ADGRG2: variants seen among roughly 807,000 people sequenced by gnomAD.
The protein encoded by ADGRG2 is adhesion G protein-coupled receptor G2.
Under a neutral mutation model 74.1 loss-of-function variants are expected in ADGRG2, and 26 were observed. That is an observed-to-expected ratio of 0.35 (90% CI 0.26 to 0.49). The LOEUF (loss-of-function observed/expected upper bound fraction) is 0.49. Ranked by LOEUF, ADGRG2 falls within the 20% of genes least tolerant of loss-of-function variation. The pLI is 0.99. For synonymous variants in ADGRG2, 296 were observed against 295.2 expected (o/e 1.00, Z -0.03); for missense variants, 619 against 763.1 (o/e 0.81, Z 2.22).
At chrX:19,005,657 G>A (rs1216128060) in intron 22 of ADGRG2, among the ~76,000 whole-genome samples, 6 of 108,255 alleles carry the variant, frequency 5.5e-5, no homozygotes, top group Non-Finnish European at 9.6e-5. Flanking sequence ...AGGATCAAGC[G>A]ATTATCCTGC....
intron 3 of ADGRG2, among the ~76,000 whole-genome samples, chrX:19,046,099 A>C (rs901436025): frequency 8.9e-6 from 1 of 112,102 alleles, no homozygotes; most frequent in Non-Finnish European, 1.9e-5. Context: ...CCTGGGCTCA[A>C]GTGATCCTCC....
In ADGRG2 at chrX:19,009,614, A is replaced by G. The variant is rs1302007984; in HGVS notation, c.1422+12T>C. On this transcript the variant is annotated intron_variant, in intron 18 of 28. Transcript: ENST00000379869. Reference sequence around the variant, plus strand: ...AAGAGAATGTTTTTTTCTGCCATCAATTATGATGTACCTGAAGATTTGCAG... The same window carrying G: ...AAGAGAATGTTTTTTTCTGCCATCAGTTATGATGTACCTGAAGATTTGCAG... The G allele has an allele frequency of 6.7e-6, 8 of 1,195,999 alleles. No homozygotes were observed. Among genetic ancestry groups the G allele is most frequent in the African/African-American group, 5.3e-5 (3 of 56,920 alleles).
At chrX:19,067,460 T>C (rs2061586817) in intron 3 of ADGRG2, among the ~76,000 whole-genome samples, 1 of 111,906 alleles carries the variant, frequency 8.9e-6, no homozygotes, top group Non-Finnish European at 1.9e-5. Flanking sequence ...GAGAGTGAAG[T>C]TGGACCGTTA....
At chrX:19,096,345 G>A (rs2062095597) in intron 1 of ADGRG2, among the ~76,000 whole-genome samples, 1 of 107,627 alleles carries the variant, frequency 9.3e-6, no homozygotes. Flanking sequence ...CCAGGAGGTG[G>A]AGGCTGCAGT....
chrX:19,087,267 A>G (rs755553003), intron 1 of ADGRG2, among the ~76,000 whole-genome samples: 1 of 112,430 alleles, frequency 8.9e-6, no homozygotes, highest in Admixed American at 9.4e-5. Flanking sequence ...CAAACATTTA[A>G]CTGGGTGCCT....
intron 24 of ADGRG2, among the ~76,000 whole-genome samples, 171 bp from the exon 25 acceptor site, chrX:19,000,131 T>C (rs1403404420): frequency 9.1e-6 from 1 of 109,699 alleles, no homozygotes; most frequent in Non-Finnish European, 1.9e-5. Context: ...GTAGCTGGGA[T>C]TACAGGCGCG....
chrX:19,083,170 A>ATTTTTT (rs58522004), intron 1 of ADGRG2, among the ~76,000 whole-genome samples: 20 of 83,157 alleles, frequency 2.4e-4, no homozygotes, highest in Non-Finnish European at 3.4e-4. Flanking sequence ...CACCCGGCTA[A>ATTTTTT]TTTTTTTTTT....
intron 1 of ADGRG2, among the ~76,000 whole-genome samples, chrX:19,105,927 CAAAAAAAAAA>C (rs748026875): frequency 6.7e-5 from 2 of 29,989 alleles, no homozygotes; most frequent in African/African-American, 2.6e-4. Flanking sequence ...GACTCTGTCT[CAAAAAAAAAA>C]AAAAAAAAAA....
At chrX:19,051,428 G>A (rs1321172047) in intron 3 of ADGRG2, among the ~76,000 whole-genome samples, 4 of 111,509 alleles carry the variant, frequency 3.6e-5, no homozygotes, top group Non-Finnish European at 7.5e-5. Flanking sequence ...CAAGTCCAAA[G>A]CCTTAAGGTA....
chrX:19,089,414 C>A (rs1399245544), intron 1 of ADGRG2, among the ~76,000 whole-genome samples: 8 of 111,455 alleles, frequency 7.2e-5, no homozygotes, highest in Non-Finnish European at 1.9e-5. Flanking sequence ...AACAAACCTG[C>A]ACATGTATAC....
At chrX:19,039,323 AC>A in intron 4 of ADGRG2, 1 of 331,459 alleles carries the variant, frequency 3.0e-6, no homozygotes, top group Non-Finnish European at 5.9e-6. Flanking sequence ...TGAGAGGAGA[AC>A]GAGGAGATGT....
At chrX:19,001,735 T>C (rs2060136054) in intron 24 of ADGRG2, among the ~76,000 whole-genome samples, 1 of 111,651 alleles carries the variant, frequency 9.0e-6, no homozygotes, top group Non-Finnish European at 1.9e-5. Flanking sequence ...GGTGGTGTGC[T>C]TTCAATCTTG....
chrX:19,032,529 G>A (rs769691118), intron 8 of ADGRG2: 4 of 111,219 alleles, frequency 3.6e-5, no homozygotes, highest in African/African-American at 9.8e-5. Context: ...CCAGTGATGC[G>A]TGTCTTCTTG....
rs1047131163 is a variant in ADGRG2 at position 19,013,771 on chromosome X, T to C, written c.1014A>G (p.Pro338=). Reference sequence around the variant, plus strand: ...AGGAAAATGAGGCTTTCACAGGAGGTGGGGTGCCGGAGACATGGGTTTGGG... The same window carrying C: ...AGGAAAATGAGGCTTTCACAGGAGGCGGGGTGCCGGAGACATGGGTTTGGG... The part of the protein sequence containing the change: ...PMPQTHVSGT[P]PPVKASFSSP... The change falls in exon 16 of 29, where the codon CCA becomes CCG. Residue 338 remains proline (P), a synonymous_variant. Coordinates refer to ENST00000379869, the MANE Select transcript of ADGRG2 (RefSeq NM_001079858.3). 1.7e-6 allele frequency: 2 copies of C among 1,192,682 alleles called. No homozygotes were observed. Among genetic ancestry groups the C allele is most frequent in the African/African-American group, 3.6e-5 (2 of 55,804 alleles).
intron 3 of ADGRG2, among the ~76,000 whole-genome samples, chrX:19,051,733 G>C (rs1001002742): frequency 1.8e-5 from 2 of 111,167 alleles, no homozygotes; most frequent in Non-Finnish European, 3.8e-5. Flanking sequence ...GGCCACATGG[G>C]AACTGAGGTT....
intron 1 of ADGRG2, among the ~76,000 whole-genome samples, chrX:19,095,374 G>A (rs1046045400): frequency 2.2e-4 from 25 of 111,175 alleles, no homozygotes; most frequent in African/African-American, 7.5e-4. Context: ...CTGTTATGAG[G>A]TCTGGAACTC....
chrX:19,000,288 C>T (rs1165128347), intron 24 of ADGRG2, among the ~76,000 whole-genome samples: 1 of 111,995 alleles, frequency 8.9e-6, no homozygotes, highest in African/African-American at 3.2e-5. Flanking sequence ...TGAGCCACCG[C>T]ACCCGGCTGG....
At chrX:18,999,998 T>G in intron 24 of ADGRG2, 38 bp from the exon 25 acceptor site, 2 of 782,601 alleles carry the variant, frequency 2.6e-6, no homozygotes, top group Non-Finnish European at 3.8e-6. Flanking sequence ...CTAATTTTTT[T>G]TTTTTTTTTT....
rs764951858 is a variant in ADGRG2 at position 18,991,094 on chromosome X, A to G, written c.2870-46T>C. Reference sequence around the variant, plus strand: ...CGGGTGGCATGAAGTATCCACAGAAAGCATTAAAAAGCAAACAAACTTAGA... The same window carrying G: ...CGGGTGGCATGAAGTATCCACAGAAGGCATTAAAAAGCAAACAAACTTAGA... On this transcript the variant is annotated intron_variant, in intron 28 of 28. Coordinates refer to ENST00000379869, the MANE Select transcript of ADGRG2 (RefSeq NM_001079858.3). 8 of 753,550 alleles carry G rather than the reference A, an allele frequency of 1.1e-5. No homozygotes were observed. The Admixed American group carries it at 2.7e-4, about 26-fold the overall frequency. 62.1% of individuals were successfully genotyped at this position (753,550 alleles called of 1,213,427 possible).
Sources: gnomAD v4.1 joint callset for allele counts (sites outside exome capture counted in the v4.1 genomes callset) on GRCh38, gnomAD v4.1.1 for gene constraint, MANE v1.5 for transcripts, NCBI Gene and HGNC (gene_info 2026-07-23, HGNC 2026-07-21) for gene names.